ABRACL: variants seen among roughly 807,000 people sequenced by gnomAD.
The protein encoded by ABRACL is costars family protein ABRACL.
Under a neutral mutation model 7.0 loss-of-function variants are expected in ABRACL, and 4 were observed. The ratio of observed to expected loss-of-function variants is 0.57; its 90% CI spans 0.28 to 1.30. ABRACL has a LOEUF of 1.30. ABRACL is among the 50% of genes most tolerant of loss of function. The pLI is 0.10. For missense variants in ABRACL, 104 were observed against 97.3 expected (o/e 1.07, Z -0.29); for synonymous variants, 30 against 36.0 (o/e 0.83, Z 0.60).
chr6:139,030,063 C>T (rs1786057690), intron 1 of ABRACL, among the ~76,000 whole-genome samples: 1 of 152,086 alleles, frequency 6.6e-6, no homozygotes, highest in Non-Finnish European at 1.5e-5. Context: ...TCTACCTCGC[C>T]TTCCCTGGAG....
chr6:139,040,008 C>G (rs1367564481), intron 2 of ABRACL, among the ~76,000 whole-genome samples: 1 of 152,018 alleles, frequency 6.6e-6, no homozygotes, highest in African/African-American at 2.4e-5. Context: ...AAGAGGATCT[C>G]TTGAGTCCAG....
chr6:139,040,387 G>A (rs1446043135), intron 2 of ABRACL, among the ~76,000 whole-genome samples: 1 of 152,224 alleles, frequency 6.6e-6, no homozygotes, highest in Non-Finnish European at 1.5e-5. Flanking sequence ...ATTGAGGGGT[G>A]AGGGGGCATG....
chr6:139,033,355 T>G (rs545722012), intron 1 of ABRACL, among the ~76,000 whole-genome samples: 1 of 152,356 alleles, frequency 6.6e-6, no homozygotes, highest in Non-Finnish European at 1.5e-5. Flanking sequence ...GTGAGCTATT[T>G]ATTGCAATCG....
chr6:139,033,668 C>A (rs1213171801), intron 1 of ABRACL, among the ~76,000 whole-genome samples: 1 of 152,208 alleles, frequency 6.6e-6, no homozygotes, highest in African/African-American at 2.4e-5. Context: ...CAGGAAGCCT[C>A]CTGCTGCTTC....
chr6:139,038,666 G>A (rs927905771), intron 2 of ABRACL, among the ~76,000 whole-genome samples: 9 of 152,058 alleles, frequency 5.9e-5, no homozygotes, highest in African/African-American at 2.2e-4. Context: ...TTGTGCTCAA[G>A]TGCTGGAGAT....
At chr6:139,029,913 AG>A (rs1231590984) in intron 1 of ABRACL, among the ~76,000 whole-genome samples, 1 of 152,138 alleles carries the variant, frequency 6.6e-6, no homozygotes, top group East Asian at 1.9e-4. Flanking sequence ...CAATGCCCTG[AG>A]GGTCCTTAAA....
chr6:139,041,093 A>T (rs544884545), intron 2 of ABRACL, among the ~76,000 whole-genome samples: 4 of 152,308 alleles, frequency 2.6e-5, no homozygotes, highest in Admixed American at 2.6e-4. Context: ...TTAGGTTTTT[A>T]AAAAGCTCAT....
At chr6:139,042,612 C>T (rs374172598) in intron 2 of ABRACL, 107 bp from the exon 3 acceptor site, 2 of 1,096,374 alleles carry the variant, frequency 1.8e-6, no homozygotes. Context: ...AAATTGCAAC[C>T]TTGGATAGCC....
At chr6:139,034,571 G>T in intron 2 of ABRACL, 1 of 668,340 alleles carries the variant, frequency 1.5e-6, no homozygotes, top group Non-Finnish European at 2.3e-6. Context: ...TTTCTGCCTT[G>T]TTCTGCCATC....
At chr6:139,040,907 C>T (rs1424206662) in intron 2 of ABRACL, among the ~76,000 whole-genome samples, 3 of 152,202 alleles carry the variant, frequency 2.0e-5, no homozygotes, top group African/African-American at 4.8e-5. Flanking sequence ...GTTGCTGATA[C>T]TCAGTGTGTG....
chr6:139,041,525 A>ATTT (rs1448452902), intron 2 of ABRACL, among the ~76,000 whole-genome samples: 3 of 41,910 alleles, frequency 7.2e-5, no homozygotes, highest in East Asian at 2.8e-3. Context: ...ATATATATAT[A>ATTT]TATATATTTT....
chr6:139,042,841 C>A lies in ABRACL; in HGVS notation c.184C>A (p.Pro62Thr). ...AAAACGAAGGAAGATTGTAACATAT[C>A]CAGGAGAGCTGCTTCTGCAAGGTGT... ...AAKRRKIVTY[P>T]GELLLQGVHD... The change falls in exon 3 of 3, where the codon CCA becomes ACA. Residue 62 changes from proline to threonine, a missense_variant. Transcript: ENST00000367660. 1 of 1,613,920 alleles carries A rather than the reference C, an allele frequency of 6.2e-7. No individual in the cohort carries two copies. The highest frequency in any genetic ancestry group is 8.5e-7 in the Non-Finnish European group (1 of 1,179,936).
rs1403361010 is a variant in ABRACL at position 139,043,241 on chromosome 6, C to CCAA, written c.*340_*342dup. 5.7e-6 allele frequency: 1 copy of CCAA among 174,652 alleles called. No homozygotes were observed. Among genetic ancestry groups the CCAA allele is most frequent in the African/African-American group, 2.4e-5 (1 of 42,222 alleles). The allele number at this position is 174,652 out of a possible 1,614,324, so 10.8% of individuals were successfully genotyped here. On this transcript the variant is annotated 3_prime_UTR_variant, in exon 3 of 3. Transcript: ENST00000367660. Reference sequence around the variant, plus strand: ...GCGAAAGCAACAAGCAAACTGAAGACCAACTCCTATGAGAAATATTATGAT... The same window carrying CCAA: ...GCGAAAGCAACAAGCAAACTGAAGACCAACAACTCCTATGAGAAATATTATGAT...
intron 2 of ABRACL, among the ~76,000 whole-genome samples, chr6:139,037,933 C>A (rs912034098): frequency 6.6e-6 from 1 of 151,884 alleles, no homozygotes; most frequent in Non-Finnish European, 1.5e-5. Flanking sequence ...TCTGCCACCA[C>A]CCCCAGCTAA....
At chr6:139,036,034 G>A (rs1203085436) in intron 2 of ABRACL, among the ~76,000 whole-genome samples, 2 of 152,030 alleles carry the variant, frequency 1.3e-5, no homozygotes, top group African/African-American at 2.4e-5. Context: ...AACTCGGGAG[G>A]CGGAGGTTGC....
intron 1 of ABRACL, among the ~76,000 whole-genome samples, chr6:139,032,976 A>G (rs1358578782): frequency 3.3e-5 from 5 of 152,218 alleles, no homozygotes; most frequent in East Asian, 3.9e-4. Context: ...TGTAATTCCA[A>G]TTAAGTGAAA....
intron 2 of ABRACL, 124 bp from the exon 3 acceptor site, chr6:139,042,595 A>C: frequency 1.2e-6 from 1 of 834,348 alleles, no homozygotes; most frequent in Non-Finnish European, 1.9e-6. Context: ...TATGACTGTT[A>C]AGTGTTAAAT....
chr6:139,035,630 C>T (rs1052183056), intron 2 of ABRACL, among the ~76,000 whole-genome samples: 3 of 151,884 alleles, frequency 2.0e-5, no homozygotes, highest in Admixed American at 2.0e-4. Context: ...TTATAGGCAC[C>T]TGCCACCACG....
At chr6:139,041,451 C>CTCTCTATATATATATATA (rs140091253) in intron 2 of ABRACL, among the ~76,000 whole-genome samples, 1 of 110,056 alleles carries the variant, frequency 9.1e-6, no homozygotes, top group African/African-American at 3.6e-5. Flanking sequence ...CTCTCTCTCT[C>CTCTCTATATATATATATA]TATATATATA....
Sources: allele counts gnomAD v4.1 joint callset (sites outside exome capture counted in the v4.1 genomes callset), GRCh38; gene constraint gnomAD v4.1.1; transcripts MANE v1.5; gene names NCBI Gene and HGNC (gene_info 2026-07-23, HGNC 2026-07-21).